The following PCDH11X variants were observed in gnomAD, a reference collection of about 807,000 sequenced individuals.
The protein encoded by PCDH11X is protocadherin-11 X-linked.
Under a neutral mutation model 53.3 loss-of-function variants are expected in PCDH11X, and 18 were observed. The observed-to-expected ratio is 0.34, with a 90% CI of 0.23 to 0.50. The LOEUF (loss-of-function observed/expected upper bound fraction) is 0.50. PCDH11X is among the 20% of genes least tolerant of loss of function. The pLI is 0.98. For synonymous variants in PCDH11X, 279 were observed against 393.3 expected (o/e 0.71, Z 3.44); for missense variants, 570 against 1,032.4 (o/e 0.55, Z 6.14).
intron 6 of PCDH11X, among the ~76,000 whole-genome samples, chrX:92,147,486 A>G (rs1430066981): frequency 8.9e-6 from 1 of 112,275 alleles, no homozygotes; most frequent in Non-Finnish European, 1.9e-5. Context: ...ACAGTGACAA[A>G]TAAACAAGGG....
chrX:92,224,975 G>C lies in PCDH11X; in HGVS notation c.3114+23520G>C, dbSNP rs181870536. On this transcript the variant is annotated intron_variant, in intron 7 of 10. Coordinates refer to ENST00000682573, the MANE Select transcript of PCDH11X (RefSeq NM_032968.5). The stretch of plus-strand genomic sequence containing the variant: ...GTGCTCTTCTTTTCTTTTTTCCCTT[G>C]CATCACTTCTGAGTGTTTGATACTG... Among the ~76,000 whole-genome samples the C allele has an allele frequency of 3.2e-3, 356 of 111,000 alleles. 1 individual carries two copies. The highest frequency in any genetic ancestry group is 5.6e-3 in the Non-Finnish European group (297 of 52,954).
intron 6 of PCDH11X, among the ~76,000 whole-genome samples, chrX:92,173,591 A>G (rs2148279625): frequency 9.1e-6 from 1 of 110,308 alleles, no homozygotes; most frequent in Non-Finnish European, 1.9e-5. Flanking sequence ...AAATATAGAG[A>G]CCCTACTTTC....
chrX:92,418,166 A>C (rs2148611484), intron 9 of PCDH11X, among the ~76,000 whole-genome samples: 1 of 104,186 alleles, frequency 9.6e-6, no homozygotes, highest in South Asian at 4.6e-4. Context: ...CAAATTTAAC[A>C]TCCTTACTAT....
chrX:92,441,162 T>G (rs2072506483), intron 9 of PCDH11X, among the ~76,000 whole-genome samples: 1 of 106,793 alleles, frequency 9.4e-6, no homozygotes. Context: ...GGATGTGACT[T>G]GGGTGCTGTT....
At chrX:92,407,843 C>A in intron 9 of PCDH11X, among the ~76,000 whole-genome samples, 1 of 111,323 alleles carries the variant, frequency 9.0e-6, no homozygotes, top group Admixed American at 9.5e-5. Context: ...TACACTTTTG[C>A]AGATACTGGA....
intron 10 of PCDH11X, among the ~76,000 whole-genome samples, chrX:92,543,254 T>C (rs2074787034): frequency 1.0e-5 from 1 of 100,178 alleles, no homozygotes; most frequent in South Asian, 4.9e-4. Flanking sequence ...TTTTAAACAT[T>C]ATAACTTCCT....
At chrX:91,886,946 G>A (rs1239716910) in intron 6 of PCDH11X, among the ~76,000 whole-genome samples, 1 of 98,464 alleles carries the variant, frequency 1.0e-5, no homozygotes, top group Non-Finnish European at 2.0e-5. Flanking sequence ...ACTCCAGCCT[G>A]GGCGACAGAG....
chrX:92,373,903 A>G lies in PCDH11X; in HGVS notation c.3145-13832A>G, dbSNP rs780984744. Among the ~76,000 whole-genome samples, 11 of 111,448 alleles carry G rather than the reference A, an allele frequency of 9.9e-5. 1 individual carries two copies. In the South Asian group the frequency reaches 4.1e-3, roughly 42 times the overall value. Reference sequence around the variant, plus strand: ...ATTTACTTTCATTCATCTAAATGAAATTGTATCCTATTTTTCTAAGACTTC... The same window carrying G: ...ATTTACTTTCATTCATCTAAATGAAGTTGTATCCTATTTTTCTAAGACTTC... On this transcript the variant is annotated intron_variant, in intron 8 of 10. Transcript: ENST00000682573.
chrX:91,870,620 C>T (rs1206751129), intron 5 of PCDH11X, among the ~76,000 whole-genome samples: 1 of 110,608 alleles, frequency 9.0e-6, no homozygotes, highest in African/African-American at 3.3e-5. Flanking sequence ...TTGCTAAGTC[C>T]TAGTGGGAAA....
At chrX:92,204,668 C>T (rs139583743) in intron 7 of PCDH11X, among the ~76,000 whole-genome samples, 20 of 112,420 alleles carry the variant, frequency 1.8e-4, no homozygotes, top group African/African-American at 4.8e-4. Context: ...GTTCCAAAGT[C>T]GCTTCCACAT....
intron 1 of PCDH11X, among the ~76,000 whole-genome samples, chrX:91,803,088 T>C (rs1027956026): frequency 3.6e-5 from 4 of 111,983 alleles, no homozygotes; most frequent in South Asian, 3.7e-4. Context: ...TTATGCAACA[T>C]AAATTTCAAT....
Position 92,462,359 on chromosome X carries a change from A to G in PCDH11X, c.3344-5940A>G, listed in dbSNP as rs887410437. On this transcript the variant is annotated intron_variant, in intron 9 of 10. Coordinates refer to ENST00000682573, the MANE Select transcript of PCDH11X (RefSeq NM_032968.5). Reference sequence around the variant, plus strand: ...TTTTGTCTGCATTAAAATCATGCAAAGGAACACGCTTTACAAATCAATTTC... The same window carrying G: ...TTTTGTCTGCATTAAAATCATGCAAGGGAACACGCTTTACAAATCAATTTC... 5.4e-5 allele frequency among the ~76,000 whole-genome samples: 6 copies of G among 110,910 alleles called. No homozygotes were observed. In the Admixed American group the frequency reaches 5.8e-4, roughly 11 times the overall value.
chrX:92,228,140 G>C (rs1486949392), intron 7 of PCDH11X, among the ~76,000 whole-genome samples: 1 of 111,330 alleles, frequency 9.0e-6, no homozygotes, highest in African/African-American at 3.3e-5. Flanking sequence ...TTTTGTTTTT[G>C]GATGTCTACT....
chrX:92,331,558 TA>T (rs997745205), intron 8 of PCDH11X, among the ~76,000 whole-genome samples: 3 of 108,668 alleles, frequency 2.8e-5, no homozygotes, highest in African/African-American at 1.0e-4. Context: ...AATATGAATA[TA>T]AAAAAGGAAA....
Position 91,878,370 on chromosome X carries a change from G to A in PCDH11X, c.2130G>A (p.Glu710=). 1 of 1,205,489 alleles carries A rather than the reference G, an allele frequency of 8.3e-7. No individual in the cohort carries two copies. The highest frequency in any genetic ancestry group is 1.1e-6 in the Non-Finnish European group (1 of 891,828). Residue 710 remains glutamate, a synonymous_variant, in exon 6 of 11, where the codon GAG becomes GAA. Transcript: ENST00000682573. ...AVDNDTGMNA[E]VRYSIVGGNT... The stretch of plus-strand genomic sequence containing the variant: ...ACAATGACACTGGCATGAATGCAGA[G>A]GTTCGTTACAGCATTGTAGGAGGAA...
chrX:92,177,312 G>A (rs1039838746), intron 6 of PCDH11X, among the ~76,000 whole-genome samples: 1 of 111,247 alleles, frequency 9.0e-6, no homozygotes, highest in African/African-American at 3.3e-5. Flanking sequence ...ACTAGTTTGA[G>A]GCATGGTGCT....
At chrX:92,109,284 T>C (rs751525135) in intron 6 of PCDH11X, among the ~76,000 whole-genome samples, 14 of 110,493 alleles carry the variant, frequency 1.3e-4, no homozygotes, top group African/African-American at 3.0e-4. Flanking sequence ...GGTAGGAGAA[T>C]TACTGGTTGA....
intron 7 of PCDH11X, among the ~76,000 whole-genome samples, chrX:92,210,154 T>C (rs2066554309): frequency 9.1e-6 from 1 of 110,445 alleles, no homozygotes; most frequent in African/African-American, 3.3e-5. Context: ...CTCCTTTATA[T>C]TGGCTGTCAA....
chrX:91,793,423 T>G (rs1438746015), intron 1 of PCDH11X, among the ~76,000 whole-genome samples: 1 of 110,625 alleles, frequency 9.0e-6, no homozygotes, highest in Non-Finnish European at 1.9e-5. Flanking sequence ...CAGTGAGCAC[T>G]TTTTGAATCT....
Sources: gnomAD v4.1 joint callset for allele counts (sites outside exome capture counted in the v4.1 genomes callset) on GRCh38, gnomAD v4.1.1 for gene constraint, MANE v1.5 for transcripts, NCBI Gene and HGNC (gene_info 2026-07-23, HGNC 2026-07-21) for gene names.